The following TRIM27 variants were observed in gnomAD, a reference collection of about 807,000 sequenced individuals.
TRIM27 encodes tripartite motif containing 27, also known as zinc finger protein RFP.
A neutral mutation model predicts 57.6 loss-of-function variants in TRIM27; 12 were observed. That is an observed-to-expected ratio of 0.21 (90% CI 0.13 to 0.34). The LOEUF is 0.34. TRIM27 is among the 10% of genes least tolerant of loss of function. The probability of loss-of-function intolerance (pLI) is 1.00; values close to 1 mark genes in which losing one functional copy is unlikely to be tolerated. For synonymous variants in TRIM27, 266 were observed against 259.0 expected (o/e 1.03, Z -0.26); for missense variants, 403 against 656.8 (o/e 0.61, Z 4.22).
chr6:28,923,158 T>C, intron 1 of TRIM27, 55 bp downstream of exon 1: 2 of 1,475,134 alleles, frequency 1.4e-6, no homozygotes, highest in Non-Finnish European at 1.8e-6. Context: ...CCCCTTTGGC[T>C]CTCTCCTCCC....
In TRIM27 at chr6:28,903,906, G is replaced by A. The variant is rs1225363703; in HGVS notation, c.*164C>T. 6.5e-6 allele frequency: 4 copies of A among 619,976 alleles called. No homozygotes were observed. Among genetic ancestry groups the A allele is most frequent in the Non-Finnish European group, 1.2e-5 (4 of 344,258 alleles). The allele number at this position is 619,976 out of a possible 1,614,324, so 38.4% of individuals were successfully genotyped here. A position where few individuals can be genotyped will look rare whatever the true frequency, so the allele number is the denominator to read the frequency against. ...CTCATTACATTTCACAATCTGCATG[G>A]GAAGGAAAAGGATGGTAGAGAACAT... On this transcript the variant is annotated 3_prime_UTR_variant, in exon 8 of 8. Transcript: ENST00000377199.
In TRIM27 at chr6:28,904,844, C is replaced by A; in HGVS notation, c.947-179G>T. 1.7e-6 allele frequency: 1 copy of A among 581,866 alleles called. No homozygotes were observed. The highest frequency in any genetic ancestry group is 3.0e-6 in the Non-Finnish European group (1 of 330,078). 36.0% of individuals were successfully genotyped at this position (581,866 alleles called of 1,614,324 possible). ...AATTACTGCTTGGATTAGCTGGTTA[C>A]CAGAATACTCTGAAAATACAGAATT... is the stretch of plus-strand genomic sequence containing the variant. On this transcript the variant is annotated intron_variant, in intron 7 of 7. Coordinates refer to ENST00000377199, the MANE Select transcript of TRIM27 (RefSeq NM_006510.5). The surrounding 1 kb of genome is among the most constrained non-coding windows in gnomAD (Gnocchi z 6.1).
In TRIM27 at chr6:28,903,822, A is replaced by G. The variant is rs771464416; in HGVS notation, c.*248T>C. On this transcript the variant is annotated 3_prime_UTR_variant, in exon 8 of 8. Transcript: ENST00000377199. ...TCCCTCCAGCGATGTGTAAAACCAG[A>G]AAGTATGAAACACTGGAGGTGGACA... 9.1e-5 allele frequency: 50 copies of G among 548,202 alleles called. No homozygotes were observed. Among genetic ancestry groups the G allele is most frequent in the Non-Finnish European group, 7.8e-5 (24 of 308,938 alleles). The allele number at this position is 548,202 out of a possible 1,614,324, so 34.0% of individuals were successfully genotyped here.
intron 7 of TRIM27, 57 bp downstream of exon 7, chr6:28,907,179 A>G: frequency 6.7e-7 from 1 of 1,483,108 alleles, no homozygotes; most frequent in Non-Finnish European, 9.3e-7. Context: ...AATAGTAGTT[A>G]GGTTCACAAG....
Position 28,903,770 on chromosome 6 carries a change from A to ATC in TRIM27, c.*299_*300insGA. ...CTGGAAGTATCTTGAACGGCTCTCC[A>ATC]AATCCAAAGATTATCCATACTCTTT... On this transcript the variant is annotated 3_prime_UTR_variant, in exon 8 of 8. Transcript: ENST00000377199. 2.5e-6 allele frequency: 1 copy of ATC among 403,222 alleles called. No homozygotes were observed. Among genetic ancestry groups the ATC allele is most frequent in the Non-Finnish European group, 4.4e-6 (1 of 225,934 alleles). 25.0% of individuals were successfully genotyped at this position (403,222 alleles called of 1,614,324 possible). A position where few individuals can be genotyped will look rare whatever the true frequency, so the allele number is the denominator to read the frequency against.
Position 28,923,761 on chromosome 6 carries a change from C to G in TRIM27, c.-129G>C. ...CGGGCGGACGGAGGGCGGCGCCTCC[C>G]GGGCCCGTATCCCAGACGCGCCCGC... On this transcript the variant is annotated 5_prime_UTR_variant, in exon 1 of 8. Transcript: ENST00000377199. 9.2e-7 allele frequency: 1 copy of G among 1,082,668 alleles called. No individual in the cohort carries two copies. The highest frequency in any genetic ancestry group is 1.7e-5 in the South Asian group (1 of 58,922). 67.1% of individuals were successfully genotyped at this position (1,082,668 alleles called of 1,614,324 possible). A position where few individuals can be genotyped will look rare whatever the true frequency, so the allele number is the denominator to read the frequency against.
At chr6:28,913,203 T>C (rs1164206132) in intron 3 of TRIM27, among the ~76,000 whole-genome samples, 9 of 147,528 alleles carry the variant, frequency 6.1e-5, no homozygotes, top group Non-Finnish European at 1.2e-4. Context: ...TGCGGTAAGC[T>C]GAGATCTTGC....
intron 7 of TRIM27, chr6:28,905,060 G>A (rs1447172335): frequency 5.2e-6 from 1 of 193,218 alleles, no homozygotes; most frequent in Non-Finnish European, 1.1e-5. Flanking sequence ...CCATAGGTGT[G>A]CACTACCACC....
rs564153004 is a variant in TRIM27, at chr6:28,913,640, T to C, written c.748-1922A>G. ...TGAAAATTTTTGCTATTGTAACGAG[T>C]AAGAAATGGTATTTTAGTGTGGTTT... On this transcript the variant is annotated intron_variant, in intron 3 of 7. Transcript: ENST00000377199. Among the ~76,000 whole-genome samples the C allele has an allele frequency of 2.0e-5, 3 of 152,190 alleles. No homozygotes were observed. In the East Asian group the frequency reaches 5.8e-4, roughly 29 times the overall value.
intron 4 of TRIM27, among the ~76,000 whole-genome samples, chr6:28,910,662 G>A (rs943991901): frequency 6.6e-6 from 1 of 152,150 alleles, no homozygotes; most frequent in Non-Finnish European, 1.5e-5. Flanking sequence ...TAAGCCTTAA[G>A]CCAATAAAAT....
In TRIM27 at chr6:28,904,601, T is replaced by C; in HGVS notation, c.1011A>G (p.Gln337=). The C allele has an allele frequency of 3.1e-6, 5 of 1,604,880 alleles. No homozygotes were observed. The highest frequency in any genetic ancestry group is 4.2e-6 in the Non-Finnish European group (5 of 1,179,980). ...PSLILSDNLR[Q]VRYSYLQQDL... ...CCTGTTGGAGGTAACTGTACCGCAC[T>C]TGCCGCAGATTATCAGAGAGGATCA... Residue 337 remains glutamine, a synonymous_variant, in exon 8 of 8, where the codon CAA becomes CAG. Coordinates refer to ENST00000377199, the MANE Select transcript of TRIM27 (RefSeq NM_006510.5). The surrounding 1 kb of genome is among the most constrained non-coding windows in gnomAD (Gnocchi z 6.1).
chr6:28,910,123 G>GAAAAAAAAAAAAAAAAAAAAAAAAGA (rs9278120), intron 4 of TRIM27, among the ~76,000 whole-genome samples: 6 of 97,618 alleles, frequency 6.1e-5, no homozygotes, highest in Non-Finnish European at 8.7e-5. Context: ...AAAGAAAAAT[G>GAAAAAAAAAAAAAAAAAAAAAAAAGA]AAAAAAAAAA....
Position 28,904,635 on chromosome 6 carries a change from T to A in TRIM27, c.977A>T (p.Tyr326Phe). 2.5e-6 allele frequency: 4 copies of A among 1,599,586 alleles called. No homozygotes were observed. Among genetic ancestry groups the A allele is most frequent in the Non-Finnish European group, 3.4e-6 (4 of 1,179,842 alleles). ...VDVTLDPDTA[Y>F]PSLILSDNLR... ...ATTATCAGAGAGGATCAGGCTGGGG[T>A]AGGCCGTGTCTGGGTCCAGAGTCAC... is the stretch of plus-strand genomic sequence containing the variant. The change falls in exon 8 of 8, where the codon TAC becomes TTC. Residue 326 changes from tyrosine (Y) to phenylalanine (F), a missense_variant. Tyr to Phe is a conservative substitution (Grantham distance 22, BLOSUM62 3). Coordinates refer to ENST00000377199, the MANE Select transcript of TRIM27 (RefSeq NM_006510.5). This position sits in a 1 kb window ranked among gnomAD's most constrained non-coding sequence, Gnocchi z 6.1.
chr6:28,907,297 T>C (rs548158843), intron 6 of TRIM27, 35 bp from the exon 7 acceptor site: 2 of 1,605,420 alleles, frequency 1.2e-6, no homozygotes, highest in Non-Finnish European at 1.7e-6. Flanking sequence ...ATGGAAGTCA[T>C]GAGGGTTTCC....
At chr6:28,911,386 T>C (rs1046326516) in intron 4 of TRIM27, 1 of 316,758 alleles carries the variant, frequency 3.2e-6, no homozygotes, top group East Asian at 5.0e-5. Context: ...CTGAAATGTA[T>C]AGGAAGCAAT....
rs1004095774 is a variant in TRIM27 at position 28,923,856 on chromosome 6, C to G, written c.-224G>C. 1.9e-6 allele frequency: 1 copy of G among 517,154 alleles called. No homozygotes were observed. The highest frequency in any genetic ancestry group is 3.3e-6 in the Non-Finnish European group (1 of 299,702). 32.0% of individuals were successfully genotyped at this position (517,154 alleles called of 1,614,324 possible). On this transcript the variant is annotated 5_prime_UTR_variant, in exon 1 of 8. Coordinates refer to ENST00000377199, the MANE Select transcript of TRIM27 (RefSeq NM_006510.5). ...CCCCTAAGCGAGAGCGGGAATACGGCCGGCTCACCGAGGCTCGCGGCCACG... is the reference window on the plus strand; with the variant it reads ...CCCCTAAGCGAGAGCGGGAATACGGGCGGCTCACCGAGGCTCGCGGCCACG...
intron 3 of TRIM27, among the ~76,000 whole-genome samples, chr6:28,913,269 A>AAAAT (rs1554184215): frequency 3.0e-5 from 4 of 135,566 alleles, no homozygotes; most frequent in East Asian, 4.1e-4. Flanking sequence ...AAAAAAAAAA[A>AAAAT]ATATATATAT....
chr6:28,903,162 G>T lies in TRIM27; in HGVS notation c.*908C>A, dbSNP rs1022473286. ...GGCCATGGGGACGGAGCTGCCCCTT[G>T]ATAGGATGCACTTAAGCATGGTCAA... On this transcript the variant is annotated 3_prime_UTR_variant, in exon 8 of 8. Transcript: ENST00000377199. The T allele has an allele frequency of 1.3e-5, 3 of 232,316 alleles. No individual in the cohort carries two copies. Among genetic ancestry groups the T allele is most frequent in the African/African-American group, 6.6e-5 (3 of 45,278 alleles). The allele number at this position is 232,316 out of a possible 1,614,324, so 14.4% of individuals were successfully genotyped here. A position where few individuals can be genotyped will look rare whatever the true frequency, so the allele number is the denominator to read the frequency against.
In TRIM27 at chr6:28,923,260, G is replaced by T; in HGVS notation, c.373C>A (p.Arg125Ser). The change falls in exon 1 of 8, where the codon CGC (arginine) becomes AGC (serine). Residue 125 changes from arginine to serine, a missense_variant. Transcript: ENST00000377199. The part of the protein sequence containing the change: ...CVVCDRSREH[R>S]GHSVLPLEEA... ...TCGAGCGGCAGCACGCTGTGGCCGC[G>T]GTGCTCGCGGGAGCGGTCGCACACC... 6.2e-7 allele frequency: 1 copy of T among 1,606,860 alleles called. No individual in the cohort carries two copies. Among genetic ancestry groups the T allele is most frequent in the Admixed American group, 1.7e-5 (1 of 59,594 alleles).
Sources: allele counts gnomAD v4.1 joint callset (sites outside exome capture counted in the v4.1 genomes callset), GRCh38; gene constraint gnomAD v4.1.1; non-coding constraint Gnocchi (gnomAD v3.1); transcripts MANE v1.5; gene names NCBI Gene and HGNC (gene_info 2026-07-23, HGNC 2026-07-21).